ESRRG: variants seen among roughly 807,000 people sequenced by gnomAD.
ESRRG encodes the protein estrogen related receptor gamma.
Under a neutral mutation model 44.0 loss-of-function variants are expected in ESRRG, and 13 were observed. The observed-to-expected ratio is 0.30, with a 90% CI of 0.19 to 0.47. ESRRG has a LOEUF of 0.47. ESRRG is among the 20% of genes least tolerant of loss of function. ESRRG has a pLI of 1.00. For synonymous variants in ESRRG, 215 were observed against 214.6 expected (o/e 1.00, Z -0.02); for missense variants, 395 against 580.6 (o/e 0.68, Z 3.29).
intron 2 of ESRRG, among the ~76,000 whole-genome samples, chr1:216,806,897 AT>A (rs1312810875): frequency 6.6e-6 from 1 of 152,164 alleles, no homozygotes; most frequent in Non-Finnish European, 1.5e-5. Context: ...TTACCTCAAT[AT>A]GGTAGAGACA....
At chr1:217,092,495 T>C (rs908175407), upstream of ESRRG, among the ~76,000 whole-genome samples, 2 of 151,938 alleles carry the variant, frequency 1.3e-5, no homozygotes, top group African/African-American at 4.8e-5. Context: ...ACAGATGGGG[T>C]TCAAATTAAA....
intron 1 of ESRRG, among the ~76,000 whole-genome samples, chr1:217,087,808 G>A (rs1048458773): frequency 2.0e-5 from 3 of 152,156 alleles, no homozygotes; most frequent in Admixed American, 6.5e-5. Flanking sequence ...ACAGACAAAT[G>A]TACGCTTAAA....
chr1:216,623,283 A>C (rs553817717), intron 3 of ESRRG, among the ~76,000 whole-genome samples: 25 of 152,052 alleles, frequency 1.6e-4, no homozygotes, highest in Admixed American at 1.1e-3. Context: ...GGGTTTCACC[A>C]TGTTAGCCAG....
intron 3 of ESRRG, among the ~76,000 whole-genome samples, chr1:216,603,113 A>T (rs2059460434): frequency 6.6e-6 from 1 of 152,202 alleles, no homozygotes; most frequent in Non-Finnish European, 1.5e-5. Flanking sequence ...TCTTGATTTT[A>T]TATTTGATAT....
chr1:216,639,536 A>G (rs750508779), intron 3 of ESRRG, among the ~76,000 whole-genome samples: 87 of 152,280 alleles, frequency 5.7e-4, no homozygotes, highest in Non-Finnish European at 9.4e-4. Context: ...TGGTACAGAA[A>G]CCAGGTCTAA....
chr1:216,807,174 A>G (rs907538727), intron 2 of ESRRG, among the ~76,000 whole-genome samples: 2 of 152,166 alleles, frequency 1.3e-5, no homozygotes, highest in African/African-American at 4.8e-5. Context: ...TTGGAGAACA[A>G]TTTGGAAGTC....
At chr1:216,946,788 A>C (rs1453863048) in intron 1 of ESRRG, among the ~76,000 whole-genome samples, 1 of 151,492 alleles carries the variant, frequency 6.6e-6, no homozygotes, top group African/African-American at 2.4e-5. Context: ...ATGATCTCAG[A>C]TCACTGGTTT....
intron 1 of ESRRG, among the ~76,000 whole-genome samples, chr1:216,688,244 G>T (rs1003862626): frequency 6.6e-6 from 1 of 152,202 alleles, no homozygotes; most frequent in African/African-American, 2.4e-5. Context: ...TTCAGTGAGT[G>T]GAGCGGGAAA....
At chr1:217,024,637 C>T (rs1445546694) in intron 1 of ESRRG, among the ~76,000 whole-genome samples, 1 of 152,072 alleles carries the variant, frequency 6.6e-6, no homozygotes, top group African/African-American at 2.4e-5. Flanking sequence ...CCCATCTTTC[C>T]TTTATTGTCC....
chr1:216,585,360 T>C, intron 3 of ESRRG, among the ~76,000 whole-genome samples: 1 of 152,218 alleles, frequency 6.6e-6, no homozygotes, highest in East Asian at 1.9e-4. Context: ...GTTCTCTAAA[T>C]TTAAGCTGCA....
chr1:217,023,350 C>G (rs766801588), intron 1 of ESRRG, among the ~76,000 whole-genome samples: 1 of 152,110 alleles, frequency 6.6e-6, no homozygotes, highest in Non-Finnish European at 1.5e-5. Context: ...CCCAGAGACT[C>G]TCAGGGAAAC....
chr1:216,553,806 C>A (rs912522270), intron 5 of ESRRG, among the ~76,000 whole-genome samples: 1 of 151,728 alleles, frequency 6.6e-6, no homozygotes, highest in African/African-American at 2.4e-5. Context: ...TCCTGACACT[C>A]GCTATAGGAA....
chr1:216,907,051 G>A (rs543422298), intron 2 of ESRRG, among the ~76,000 whole-genome samples: 1 of 152,292 alleles, frequency 6.6e-6, no homozygotes, highest in South Asian at 2.1e-4. Flanking sequence ...AAAAGTTGGG[G>A]TAGGACCCGT....
intron 1 of ESRRG, among the ~76,000 whole-genome samples, chr1:216,718,808 A>G (rs1371520805): frequency 6.6e-6 from 1 of 152,028 alleles, no homozygotes; most frequent in East Asian, 1.9e-4. Flanking sequence ...TGAATTTGCT[A>G]TGAAGCAAAA....
chr1:217,133,569 G>A (rs1276630103), intron 1 of ESRRG, among the ~76,000 whole-genome samples: 1 of 152,144 alleles, frequency 6.6e-6, no homozygotes, highest in African/African-American at 2.4e-5. Context: ...ACTGAACAAG[G>A]TGGAAAGAAA....
chr1:216,527,087 C>T (rs1237289978), intron 5 of ESRRG, among the ~76,000 whole-genome samples: 1 of 152,100 alleles, frequency 6.6e-6, no homozygotes, highest in Admixed American at 6.6e-5. Flanking sequence ...AGACATAATC[C>T]TTGTCATCTA....
chr1:216,947,185 T>C lies in ESRRG; in HGVS notation c.-105-7512A>G, dbSNP rs140519560. Among the ~76,000 whole-genome samples the C allele has an allele frequency of 4.1e-4, 63 of 152,212 alleles. No homozygotes were observed. In the East Asian group the frequency reaches 0.012, roughly 28 times the overall value. On this transcript the variant is annotated intron_variant, in intron 1 of 7. Transcript: ENST00000359162. The stretch of plus-strand genomic sequence containing the variant: ...TGAAATTCCAAGAGAAAAATATAAA[T>C]ATACATATCCCAGAAGTGGCATCTG...
At position 217,076,344 on chromosome 1, in the gene ESRRG, A is replaced by C. The variant is rs760272985; in HGVS notation, c.-106+13163T>G. ...TTTGGCTACTAGACATTCCTCACTT[A>C]GTTTTTAAAATAAGCATAGCAGATA... On this transcript the variant is annotated intron_variant, in intron 1 of 7. Transcript: ENST00000359162. Among the ~76,000 whole-genome samples, 3 of 152,102 alleles carry C rather than the reference A, an allele frequency of 2.0e-5. No individual in the cohort carries two copies. In the South Asian group the frequency reaches 6.2e-4, roughly 32 times the overall value.
intron 2 of ESRRG, among the ~76,000 whole-genome samples, chr1:216,759,739 G>T (rs1013428980): frequency 6.6e-6 from 1 of 152,182 alleles, no homozygotes; most frequent in Admixed American, 6.5e-5. Flanking sequence ...TATACTAATA[G>T]AACAATTTTT....
Sources: allele counts gnomAD v4.1 joint callset (sites outside exome capture counted in the v4.1 genomes callset), GRCh38; gene constraint gnomAD v4.1.1; transcripts MANE v1.5; gene names NCBI Gene and HGNC (gene_info 2026-07-23, HGNC 2026-07-21).